ABI1: variants seen among roughly 807,000 people sequenced by gnomAD.
The protein encoded by ABI1 is Abelson interactor 1.
In ABI1, 14 loss-of-function variants were observed where a neutral mutation model predicts 54.6. That is an observed-to-expected ratio of 0.26 (90% CI 0.17 to 0.40). The LOEUF (loss-of-function observed/expected upper bound fraction) is 0.40. Among genes scored for constraint, ABI1 ranks in the 10% least tolerant of loss-of-function variants. ABI1 has a pLI of 1.00. For missense variants in ABI1, 443 were observed against 598.3 expected (o/e 0.74, Z 2.71); for synonymous variants, 194 against 209.3 (o/e 0.93, Z 0.63).
At chr10:26,801,326 C>T (rs2046542887) in intron 2 of ABI1, among the ~76,000 whole-genome samples, 1 of 152,050 alleles carries the variant, frequency 6.6e-6, no homozygotes, top group African/African-American at 2.4e-5. Context: ...GCAGGCGGAT[C>T]ACTTGAGCTC....
In ABI1 at chr10:26,759,323, C is replaced by A. The variant is rs903165496; in HGVS notation, c.821-85G>T. The A allele has an allele frequency of 9.0e-6, 10 of 1,115,570 alleles. No individual in the cohort carries two copies. The African/African-American group carries it at 1.3e-4, about 14-fold the overall frequency. The allele number at this position is 1,115,570 out of a possible 1,614,324, so 69.1% of individuals were successfully genotyped here. A position where few individuals can be genotyped will look rare whatever the true frequency, so the allele number is the denominator to read the frequency against. ...ATGGCAGAACAAAGCAGGAGGGGGC[C>A]TCAGTAAGAAATATTTATTACTTTT... On this transcript the variant is annotated intron_variant, in intron 7 of 10. Transcript: ENST00000376140.
intron 2 of ABI1, among the ~76,000 whole-genome samples, chr10:26,815,008 T>C (rs2047469093): frequency 1.3e-5 from 2 of 152,156 alleles, no homozygotes; most frequent in African/African-American, 4.8e-5. Flanking sequence ...TAAGAGATTA[T>C]AAAGCAGAAT....
intron 1 of ABI1, among the ~76,000 whole-genome samples, chr10:26,834,342 CTAAA>C (rs2048884637): frequency 6.6e-6 from 1 of 151,928 alleles, no homozygotes; most frequent in South Asian, 2.1e-4. Flanking sequence ...TTACATAAAG[CTAAA>C]AAGCTCCTGC....
chr10:26,770,954 A>G (rs1210283151), intron 4 of ABI1, 121 bp downstream of exon 4: 1 of 994,568 alleles, frequency 1.0e-6, no homozygotes, highest in Non-Finnish European at 1.6e-6. Flanking sequence ...TAAATAATCT[A>G]CATAAATCCT....
At chr10:26,749,408 T>C (rs1180694142) in intron 10 of ABI1, among the ~76,000 whole-genome samples, 2 of 152,370 alleles carry the variant, frequency 1.3e-5, no homozygotes, top group African/African-American at 2.4e-5. Context: ...GAATTTTACA[T>C]ATGCGTAATG....
At chr10:26,812,917 C>T (rs1588954570) in intron 2 of ABI1, among the ~76,000 whole-genome samples, 1 of 152,050 alleles carries the variant, frequency 6.6e-6, no homozygotes, top group African/African-American at 2.4e-5. Context: ...ACAACTCAGC[C>T]AGTAAGTGCC....
intron 2 of ABI1, among the ~76,000 whole-genome samples, chr10:26,786,158 T>C (rs1167301763): frequency 1.3e-5 from 2 of 152,020 alleles, no homozygotes; most frequent in Non-Finnish European, 2.9e-5. Context: ...TCTGATACAA[T>C]CATTGATTCA....
Position 26,755,656 on chromosome 10 carries a change from G to C in ABI1, c.1083C>G (p.Asn361Lys), listed in dbSNP as rs765466871. Residue 361 changes from asparagine (N) to lysine (K), a missense_variant and splice_region_variant, in exon 9 of 11, where the codon AAC (asparagine) becomes AAG (lysine). Physicochemically the swap from Asn to Lys is moderately conservative, Grantham distance 94. This residue lies in a region of ABI1 where 394 missense variants were observed against 484.8 expected (regional missense o/e 0.81). Coordinates refer to ENST00000376140, the MANE Select transcript of ABI1 (RefSeq NM_001012750.3). Reference sequence around the variant, plus strand: ...ATAGCTCAGTTTTTCCAAACTTACTGTTTTCCTGCACCCTGGCCACGAAGC... The same window carrying C: ...ATAGCTCAGTTTTTCCAAACTTACTCTTTTCCTGCACCCTGGCCACGAAGC... ...LTGFVARVQE[N>K]IADSPTPPPP... The C allele has an allele frequency of 5.6e-6, 9 of 1,611,590 alleles. No homozygotes were observed. In the African/African-American group the frequency reaches 9.4e-5, roughly 17 times the overall value.
At chr10:26,792,396 AG>A (rs2133217444) in intron 2 of ABI1, among the ~76,000 whole-genome samples, 1 of 152,368 alleles carries the variant, frequency 6.6e-6, no homozygotes, top group Admixed American at 6.5e-5. Flanking sequence ...GGCAGGTGAA[AG>A]AGAAAAAAGG....
At chr10:26,843,120 G>GA (rs1472162341) in intron 1 of ABI1, among the ~76,000 whole-genome samples, 1 of 151,346 alleles carries the variant, frequency 6.6e-6, no homozygotes, top group African/African-American at 2.4e-5. Context: ...AAAGATAAAG[G>GA]AAAAAAGATT....
intron 2 of ABI1, among the ~76,000 whole-genome samples, chr10:26,822,161 C>CAT (rs142840255): frequency 0.062 from 9,372 of 151,434 alleles, 421 homozygotes; most frequent in East Asian, 0.19. Flanking sequence ...TATTAATAGA[C>CAT]ATATATATAT....
intron 1 of ABI1, among the ~76,000 whole-genome samples, chr10:26,843,006 T>G (rs2049647025): frequency 6.6e-6 from 1 of 151,924 alleles, no homozygotes. Flanking sequence ...ATCTAGCCAC[T>G]GCACTCCAGC....
intron 2 of ABI1, among the ~76,000 whole-genome samples, chr10:26,815,278 T>C (rs1249062248): frequency 1.3e-5 from 2 of 152,186 alleles, no homozygotes; most frequent in Non-Finnish European, 2.9e-5. Flanking sequence ...AGTAATTCAA[T>C]GTAATTTACA....
At chr10:26,763,944 A>G (rs1217884855) in intron 7 of ABI1, 1 of 1,612,224 alleles carries the variant, frequency 6.2e-7, no homozygotes, top group Admixed American at 1.7e-5. Flanking sequence ...CAGAAGGAGG[A>G]GGGACAGAAA....
At chr10:26,802,512 T>C (rs2046628072) in intron 2 of ABI1, among the ~76,000 whole-genome samples, 1 of 152,166 alleles carries the variant, frequency 6.6e-6, no homozygotes, top group African/African-American at 2.4e-5. Flanking sequence ...ATGTTGGGGA[T>C]ATACTAGCTA....
intron 10 of ABI1, 56 bp from the exon 11 acceptor site, chr10:26,748,801 G>C (rs1837230669): frequency 8.0e-7 from 1 of 1,248,084 alleles, no homozygotes; most frequent in Non-Finnish European, 1.1e-6. Flanking sequence ...AAATTTACTT[G>C]AATTTTAAGA....
intron 1 of ABI1, among the ~76,000 whole-genome samples, chr10:26,857,528 A>T (rs1227360466): frequency 6.6e-6 from 1 of 151,088 alleles, no homozygotes. Context: ...CTGTAGTCCC[A>T]GCTACCTGGG....
Position 26,761,661 on chromosome 10 carries a change from T to TATAC in ABI1, c.821-2424_821-2423insGTAT, listed in dbSNP as rs1375832167. On this transcript the variant is annotated intron_variant, in intron 7 of 10. Coordinates refer to ENST00000376140, the MANE Select transcript of ABI1 (RefSeq NM_001012750.3). ...ATATATATATATATATATATATATA[T>TATAC]ACACACACACATACACATATATAAC... is the stretch of plus-strand genomic sequence containing the variant. Among the ~76,000 whole-genome samples, 737 of 78,482 alleles carry TATAC rather than the reference T, an allele frequency of 9.4e-3. 1 individual carries two copies. Among genetic ancestry groups the TATAC allele is most frequent in the Non-Finnish European group, 0.012 (522 of 42,142 alleles). The allele number at this position is 78,482 out of a possible 152,430, so 51.5% of individuals were successfully genotyped here.
chr10:26,850,398 G>A (rs759573393), intron 1 of ABI1, among the ~76,000 whole-genome samples: 1 of 152,226 alleles, frequency 6.6e-6, no homozygotes, highest in South Asian at 2.1e-4. Flanking sequence ...GGTGGCTCAC[G>A]CCTGTAATCC....
Sources: gnomAD v4.1 joint callset for allele counts (sites outside exome capture counted in the v4.1 genomes callset) on GRCh38, gnomAD v4.1.1 for gene constraint, gnomAD v4.1.1 regional missense constraint, MANE v1.5 for transcripts, NCBI Gene and HGNC (gene_info 2026-07-23, HGNC 2026-07-21) for gene names.